Variants in NRG1 observed in about 807,000 individuals in gnomAD.
NRG1 encodes the protein neuregulin 1.
In NRG1, 18 loss-of-function variants were observed where a neutral mutation model predicts 63.8. The observed-to-expected ratio is 0.28, with a 90% CI of 0.19 to 0.42. The LOEUF is 0.42. Among genes scored for constraint, NRG1 ranks in the 10% least tolerant of loss-of-function variants. The pLI is 1.00. For missense variants in NRG1, 762 were observed against 814.7 expected (o/e 0.94, Z 0.79); for synonymous variants, 302 against 301.3 (o/e 1.00, Z -0.02).
exon 11 of NRG1, chr8:32,760,309 C>T (rs746310035): frequency 8.1e-6 from 13 of 1,613,926 alleles, no homozygotes; most frequent in Admixed American, 1.7e-5. Context: ...CCCAAGAGGA[C>T]GTCTTAATGG....
chr8:32,190,788 T>C (rs1238417866), intron 1 of NRG1, among the ~76,000 whole-genome samples: 1 of 152,168 alleles, frequency 6.6e-6, no homozygotes, highest in Non-Finnish European at 1.5e-5. Flanking sequence ...GGATAGTTTA[T>C]TGCTACAGGA....
At chr8:31,805,916 A>G (rs866024154) in intron 1 of NRG1, among the ~76,000 whole-genome samples, 2 of 152,218 alleles carry the variant, frequency 1.3e-5, no homozygotes, top group East Asian at 1.9e-4. Flanking sequence ...ATTTCTGCAT[A>G]GTATTCTTAA....
intron 1 of NRG1, among the ~76,000 whole-genome samples, chr8:32,039,856 A>T (rs1819658224): frequency 6.6e-6 from 1 of 151,858 alleles, no homozygotes; most frequent in Admixed American, 6.6e-5. Flanking sequence ...TTATCGCTAC[A>T]AAATAGAAAA....
chr8:32,242,735 T>C (rs1174308187), intron 1 of NRG1, among the ~76,000 whole-genome samples: 1 of 152,218 alleles, frequency 6.6e-6, no homozygotes, highest in Non-Finnish European at 1.5e-5. Context: ...ATTGAGCAAT[T>C]ACAAGTCCCA....
intron 1 of NRG1, among the ~76,000 whole-genome samples, chr8:31,864,432 C>A (rs561470110): frequency 6.6e-6 from 1 of 152,146 alleles, no homozygotes; most frequent in Admixed American, 6.6e-5. Flanking sequence ...AGTCAGGAAG[C>A]CTTTCCTCCA....
chr8:32,473,456 C>T (rs531737420), intron 1 of NRG1, among the ~76,000 whole-genome samples: 1 of 152,082 alleles, frequency 6.6e-6, no homozygotes, highest in African/African-American at 2.4e-5. Flanking sequence ...GATCAGAACT[C>T]CAAAGTCATA....
At chr8:32,094,628 CT>C (rs1445957759) in intron 1 of NRG1, among the ~76,000 whole-genome samples, 1 of 152,112 alleles carries the variant, frequency 6.6e-6, no homozygotes, top group African/African-American at 2.4e-5. Context: ...ATAATGAGTT[CT>C]ATAGTGAAAC....
At chr8:32,308,662 T>C (rs1856490649) in intron 1 of NRG1, among the ~76,000 whole-genome samples, 1 of 152,236 alleles carries the variant, frequency 6.6e-6, no homozygotes, top group Non-Finnish European at 1.5e-5. Context: ...CTCTTGCTTA[T>C]GATCTTCCCT....
At chr8:32,429,861 T>G (rs534999701) in intron 1 of NRG1, among the ~76,000 whole-genome samples, 35 of 152,318 alleles carry the variant, frequency 2.3e-4, no homozygotes, top group African/African-American at 7.7e-4. Context: ...ACCATGTACA[T>G]TTTTAAGAAA....
At chr8:32,196,551 G>C (rs182958234) in intron 1 of NRG1, among the ~76,000 whole-genome samples, 27 of 152,260 alleles carry the variant, frequency 1.8e-4, no homozygotes, top group Admixed American at 5.2e-4. Flanking sequence ...TGAATCAGTC[G>C]GGTGCTAGCC....
intron 1 of NRG1, among the ~76,000 whole-genome samples, chr8:31,856,567 C>T (rs776527854): frequency 2.0e-5 from 3 of 152,162 alleles, no homozygotes; most frequent in Admixed American, 6.5e-5. Flanking sequence ...AATGTCCTCC[C>T]GTAGCTCGGA....
At chr8:32,129,316 G>T (rs1834500050) in intron 1 of NRG1, among the ~76,000 whole-genome samples, 2 of 151,914 alleles carry the variant, frequency 1.3e-5, no homozygotes, top group South Asian at 2.1e-4. Flanking sequence ...TGAAATCAAG[G>T]TGTTGTCAGG....
chr8:32,307,586 G>GGGGT (rs1554503437), intron 1 of NRG1, among the ~76,000 whole-genome samples: 1 of 108,898 alleles, frequency 9.2e-6, no homozygotes. Context: ...GTCACCCAGG[G>GGGGT]GTTTGTGTGT....
chr8:31,662,990 G>C (rs1277641530), intron 1 of NRG1, among the ~76,000 whole-genome samples: 2 of 152,204 alleles, frequency 1.3e-5, no homozygotes, highest in African/African-American at 4.8e-5. Flanking sequence ...GCCTGGGCTT[G>C]TATTACCAGG....
intron 1 of NRG1, among the ~76,000 whole-genome samples, chr8:31,785,934 G>A (rs1235811415): frequency 1.3e-5 from 2 of 152,188 alleles, no homozygotes; most frequent in South Asian, 2.1e-4. Context: ...TTTAGAACTA[G>A]GTATGGAGCT....
At chr8:32,682,515 G>A (rs1808947635) in intron 5 of NRG1, among the ~76,000 whole-genome samples, 1 of 152,024 alleles carries the variant, frequency 6.6e-6, no homozygotes, top group African/African-American at 2.4e-5. Context: ...TGCTTCTGAT[G>A]CCTGCTTTTA....
intron 1 of NRG1, among the ~76,000 whole-genome samples, chr8:31,897,767 C>A (rs914703271): frequency 1.3e-5 from 2 of 151,788 alleles, no homozygotes; most frequent in African/African-American, 4.8e-5. Context: ...GTAATCCCAG[C>A]ACTTTGGGAG....
At chr8:31,812,061 T>C (rs1157464010) in intron 1 of NRG1, among the ~76,000 whole-genome samples, 4 of 152,168 alleles carry the variant, frequency 2.6e-5, no homozygotes, top group Non-Finnish European at 5.9e-5. Flanking sequence ...ATAGACCCCA[T>C]ATATAATAGC....
At chr8:32,471,731 C>CT (rs986114012) in intron 1 of NRG1, among the ~76,000 whole-genome samples, 2 of 152,086 alleles carry the variant, frequency 1.3e-5, no homozygotes, top group African/African-American at 4.8e-5. Flanking sequence ...AAAAAATGTA[C>CT]TTGTTCAGAG....
Sources: gnomAD v4.1 joint callset for allele counts (sites outside exome capture counted in the v4.1 genomes callset) on GRCh38, gnomAD v4.1.1 for gene constraint, MANE v1.5 for transcripts, NCBI Gene and HGNC (gene_info 2026-07-23, HGNC 2026-07-21) for gene names.